THNSL1: variants seen among roughly 807,000 people sequenced by gnomAD.
THNSL1 encodes threonine synthase-like 1.
A neutral mutation model predicts 50.4 loss-of-function variants in THNSL1; 48 were observed. The observed-to-expected ratio is 0.95, with a 90% CI of 0.76 to 1.21. The LOEUF (loss-of-function observed/expected upper bound fraction) is 1.21. Among genes scored for constraint, THNSL1 ranks in the 50% most tolerant of loss-of-function variants. The probability of loss-of-function intolerance (pLI) is 0.00; values close to 1 mark genes in which losing one functional copy is unlikely to be tolerated. For missense variants in THNSL1, 896 were observed against 871.7 expected (o/e 1.03, Z -0.35); for synonymous variants, 309 against 306.1 (o/e 1.01, Z -0.10).
At chr10:25,008,144 C>T in the THNSL1 span, among the ~76,000 whole-genome samples, 527 of 152,052 alleles carry the variant, frequency 3.5e-3, 2 homozygotes, top group African/African-American at 0.012. Context: ...AATTCTAACA[C>T]TAAACACTTA....
At chr10:25,015,604 C>T (rs1850548951), upstream of THNSL1, among the ~76,000 whole-genome samples, 1 of 152,036 alleles carries the variant, frequency 6.6e-6, no homozygotes, top group Admixed American at 6.6e-5. Flanking sequence ...TAATCACATA[C>T]CGTATTAATA....
chr10:24,955,927 A>G, the THNSL1 span, among the ~76,000 whole-genome samples: 8 of 152,132 alleles, frequency 5.3e-5, no homozygotes, highest in Non-Finnish European at 1.0e-4. Flanking sequence ...AGCCTGGGTG[A>G]CAGAGCAAGA....
chr10:25,005,345 T>G, the THNSL1 span, among the ~76,000 whole-genome samples: 1 of 152,344 alleles, frequency 6.6e-6, no homozygotes, highest in East Asian at 1.9e-4. Context: ...AATCACCATA[T>G]AGTAAGTCCC....
the THNSL1 span, among the ~76,000 whole-genome samples, chr10:25,003,765 TCATCACCCAG>T: frequency 5.3e-5 from 8 of 152,284 alleles, no homozygotes; most frequent in African/African-American, 1.9e-4. Flanking sequence ...ACAGATTATT[TCATCACCCAG>T]GTATTAAACC....
the THNSL1 span, among the ~76,000 whole-genome samples, chr10:24,978,221 A>G: frequency 6.6e-6 from 1 of 152,166 alleles, no homozygotes; most frequent in Non-Finnish European, 1.5e-5. Flanking sequence ...ATGTAGAAAG[A>G]CAAAAAAATG....
chr10:25,015,629 A>G (rs1850550109), upstream of THNSL1, among the ~76,000 whole-genome samples: 1 of 152,246 alleles, frequency 6.6e-6, no homozygotes, highest in South Asian at 2.1e-4. Flanking sequence ...GTTAAGTGTA[A>G]TATAATAAAA....
chr10:24,965,413 T>A, the THNSL1 span, among the ~76,000 whole-genome samples: 5 of 152,294 alleles, frequency 3.3e-5, no homozygotes, highest in East Asian at 9.6e-4. Context: ...CCAGCCCTGA[T>A]TCTGAGCCCC....
At chr10:25,008,729 C>T in the THNSL1 span, among the ~76,000 whole-genome samples, 4 of 152,150 alleles carry the variant, frequency 2.6e-5, no homozygotes, top group East Asian at 7.7e-4. Context: ...CTAGAAATAC[C>T]ATTTGACCCA....
At chr10:25,000,175 G>A in the THNSL1 span, among the ~76,000 whole-genome samples, 2 of 152,022 alleles carry the variant, frequency 1.3e-5, no homozygotes, top group Non-Finnish European at 2.9e-5. Context: ...TTCTATTGTG[G>A]TTAGAGAATA....
At chr10:24,978,988 G>A in the THNSL1 span, among the ~76,000 whole-genome samples, 3 of 152,158 alleles carry the variant, frequency 2.0e-5, no homozygotes, top group African/African-American at 7.2e-5. Flanking sequence ...CATTTCAGCA[G>A]AAAGAAACTA....
upstream of THNSL1, among the ~76,000 whole-genome samples, chr10:25,014,006 T>A (rs967175790): frequency 2.0e-5 from 3 of 152,184 alleles, no homozygotes; most frequent in Non-Finnish European, 2.9e-5. Flanking sequence ...AACCATCTTA[T>A]GCATCATGAG....
chr10:24,978,846 G>C, the THNSL1 span, among the ~76,000 whole-genome samples: 1 of 152,150 alleles, frequency 6.6e-6, no homozygotes, highest in Non-Finnish European at 1.5e-5. Flanking sequence ...ACTGGAAGGA[G>C]GGTTGGACAA....
At chr10:24,967,351 C>G in the THNSL1 span, among the ~76,000 whole-genome samples, 2 of 152,154 alleles carry the variant, frequency 1.3e-5, no homozygotes, top group Non-Finnish European at 1.5e-5. Context: ...CCTGGTCTGC[C>G]TTTAATGGAT....
chr10:24,992,180 T>C, the THNSL1 span, among the ~76,000 whole-genome samples: 1 of 152,204 alleles, frequency 6.6e-6, no homozygotes, highest in Non-Finnish European at 1.5e-5. Context: ...CTAGGAATAC[T>C]AGTGAATAAA....
At chr10:25,021,416 C>G (rs1850716246) in intron 1 of THNSL1, among the ~76,000 whole-genome samples, 1 of 152,058 alleles carries the variant, frequency 6.6e-6, no homozygotes, top group African/African-American at 2.4e-5. Context: ...TGACTTTTTC[C>G]CCTCTGATCA....
At chr10:24,986,719 A>C in the THNSL1 span, among the ~76,000 whole-genome samples, 1 of 152,214 alleles carries the variant, frequency 6.6e-6, no homozygotes, top group South Asian at 2.1e-4. Flanking sequence ...TGTGTACAAT[A>C]ACGTTTGGAT....
chr10:24,973,625 A>C, the THNSL1 span, among the ~76,000 whole-genome samples: 1 of 152,178 alleles, frequency 6.6e-6, no homozygotes, highest in South Asian at 2.1e-4. Context: ...AATTATAAGA[A>C]TACATGAAAA....
At chr10:24,984,687 T>G in the THNSL1 span, 46 of 1,505,598 alleles carry the variant, frequency 3.1e-5, no homozygotes, top group South Asian at 5.6e-4. Flanking sequence ...ATTTTCCATG[T>G]TTTTTTCCCC....
the THNSL1 span, among the ~76,000 whole-genome samples, chr10:24,971,871 C>T: frequency 2.6e-5 from 4 of 152,166 alleles, no homozygotes; most frequent in African/African-American, 9.7e-5. Flanking sequence ...ATTGTTGGCT[C>T]TGTGCATGTT....
Sources: gnomAD v4.1 joint callset for allele counts (sites outside exome capture counted in the v4.1 genomes callset) on GRCh38, gnomAD v4.1.1 for gene constraint, MANE v1.5 for transcripts, NCBI Gene and HGNC (gene_info 2026-07-23, HGNC 2026-07-21) for gene names.